ZNF711: variants seen among roughly 807,000 people sequenced by gnomAD.
The protein encoded by ZNF711 is zinc finger protein 711.
In ZNF711, 3 loss-of-function variants were observed where a neutral mutation model predicts 43.5. The observed-to-expected ratio is 0.07, with a 90% CI of 0.03 to 0.18. The LOEUF (loss-of-function observed/expected upper bound fraction) is 0.18. Among genes scored for constraint, ZNF711 ranks in the 10% least tolerant of loss-of-function variants. The probability of loss-of-function intolerance (pLI) is 1.00; values close to 1 mark genes in which losing one functional copy is unlikely to be tolerated. For synonymous variants in ZNF711, 209 were observed against 207.7 expected (o/e 1.01, Z -0.06); for missense variants, 412 against 604.0 (o/e 0.68, Z 3.33).
At chrX:85,244,243 G>A in intron 1 of ZNF711, 52 bp downstream of exon 1, 1 of 127,948 alleles carries the variant, frequency 7.8e-6, no homozygotes, top group Non-Finnish European at 1.6e-5. Flanking sequence ...ACCGCGTTCA[G>A]TGTTTCTTGT....
chrX:85,270,279 T>C, intron 10 of ZNF711, 133 bp downstream of exon 10: 1 of 637,640 alleles, frequency 1.6e-6, no homozygotes, highest in Non-Finnish European at 2.3e-6. Flanking sequence ...TATAGATAAT[T>C]GTTTTTTTTT....
rs765735032 is a variant in ZNF711 at position 85,247,600 on chromosome X, T to C, written c.28T>C (p.Leu10=). The change falls in exon 4 of 11, where the codon TTG becomes CTG. Residue 10 remains leucine, a synonymous_variant. Transcript: ENST00000674551. ...GGATTCAGGCGGTGGAAGTCTTGGA[T>C]TGCACACGCCAGACTCTAGAATGGC... MDSGGGSLG[L]HTPDSRMAHT... is the part of the protein sequence containing the mutation. The C allele has an allele frequency of 8.3e-7, 1 of 1,210,303 alleles. No individual in the cohort carries two copies. Among genetic ancestry groups the C allele is most frequent in the Non-Finnish European group, 1.1e-6 (1 of 894,575 alleles).
intron 4 of ZNF711, among the ~76,000 whole-genome samples, chrX:85,252,670 C>T (rs1929649936): frequency 9.0e-6 from 1 of 111,539 alleles, no homozygotes; most frequent in Non-Finnish European, 1.9e-5. Flanking sequence ...TTCTGAAATG[C>T]CCAGTGGAGT....
rs1233963472 is a variant in ZNF711 at position 85,273,158 on chromosome X, A to G, written c.*1330A>G. 1 of 112,005 alleles carries G rather than the reference A, an allele frequency of 8.9e-6. No homozygotes were observed. The highest frequency in any genetic ancestry group is 9.6e-5 in the Admixed American group (1 of 10,460). 9.2% of individuals were successfully genotyped at this position (112,005 alleles called of 1,213,427 possible). A position where few individuals can be genotyped will look rare whatever the true frequency, so the allele number is the denominator to read the frequency against. ...GTTCACCTTTCTGTTTTTGCACCAG[A>G]TAAGAATCAGTTCCTTGAGAATAAA... On this transcript the variant is annotated 3_prime_UTR_variant, in exon 11 of 11. Coordinates refer to ENST00000674551, the MANE Select transcript of ZNF711 (RefSeq NM_001330574.2).
chrX:85,254,241 G>A (rs750453822), intron 4 of ZNF711, among the ~76,000 whole-genome samples: 55 of 109,636 alleles, frequency 5.0e-4, no homozygotes, highest in African/African-American at 1.8e-3. Flanking sequence ...GCCAAACTAC[G>A]GGTGGATCAC....
intron 7 of ZNF711, among the ~76,000 whole-genome samples, chrX:85,266,864 A>G (rs926664458): frequency 1.1e-4 from 12 of 107,116 alleles, no homozygotes; most frequent in Non-Finnish European, 1.9e-4. Context: ...TATTACATGT[A>G]TAGTACTGCA....
rs1276682684 is a variant in ZNF711, at chrX:85,271,033, C to T, written c.1629C>T (p.Ala543=). Residue 543 remains alanine (A), a synonymous_variant, in exon 11 of 11, where the codon GCC becomes GCT. Transcript: ENST00000674551. ...GACTGTTAAACAGGCATTTGTTGGC[C>T]GTTCACAGCAAGAATTTTCCTCATG... ...EQGLLNRHLL[A]VHSKNFPHVC... 1.7e-5 allele frequency: 21 copies of T among 1,210,900 alleles called. No homozygotes were observed. The highest frequency in any genetic ancestry group is 2.2e-5 in the Non-Finnish European group (20 of 895,163).
At chrX:85,269,134 T>G (rs1311870913) in intron 9 of ZNF711, among the ~76,000 whole-genome samples, 2 of 111,690 alleles carry the variant, frequency 1.8e-5, no homozygotes, top group Non-Finnish European at 3.8e-5. Context: ...AAATCAATCT[T>G]AATATGTAGT....
In ZNF711 at chrX:85,271,409, G is replaced by A. The variant is rs1216305486; in HGVS notation, c.2005G>A (p.Val669Ile). The change falls in exon 11 of 11, where the codon GTC (valine) becomes ATC (isoleucine). Residue 669 changes from valine (V) to isoleucine (I), a missense_variant. This residue lies in a region of ZNF711 where 375 missense variants were observed against 514.2 expected (regional missense o/e 0.73). Coordinates refer to ENST00000674551, the MANE Select transcript of ZNF711 (RefSeq NM_001330574.2). ...HTKDFPHKCE[V>I]CDKGFHRPSE... is the part of the protein sequence containing the mutation. The stretch of plus-strand genomic sequence containing the variant: ...TAAGGATTTTCCTCACAAATGTGAG[G>A]TCTGTGATAAAGGTTTTCATCGTCC... 1 of 1,211,045 alleles carries A rather than the reference G, an allele frequency of 8.3e-7. No homozygotes were observed. The highest frequency in any genetic ancestry group is 2.2e-5 in the Admixed American group (1 of 45,882).
chrX:85,256,803 A>C (rs73513609), intron 5 of ZNF711, among the ~76,000 whole-genome samples: 9,126 of 111,409 alleles, frequency 0.082, 843 homozygotes, highest in African/African-American at 0.27. Context: ...CATTGTTTTT[A>C]AGAAAATAAT....
At position 85,247,079 on chromosome X, in the gene ZNF711, A is replaced by G. The variant is rs188554274; in HGVS notation, c.-136A>G. 4 of 294,340 alleles carry G rather than the reference A, an allele frequency of 1.4e-5. No homozygotes were observed. In the Admixed American group the frequency reaches 2.5e-4, roughly 18 times the overall value. The allele number at this position is 294,340 out of a possible 1,213,427, so 24.3% of individuals were successfully genotyped here. Reference sequence around the variant, plus strand: ...AGAACCCTGGGAGCCAGAGGTGAATACAAGTTTATCTGCAGAGCTCCGCTG... The same window carrying G: ...AGAACCCTGGGAGCCAGAGGTGAATGCAAGTTTATCTGCAGAGCTCCGCTG... On this transcript the variant is annotated 5_prime_UTR_variant, in exon 3 of 11. In the 5' UTR this introduces an upstream ATG that the reference lacks. Transcript: ENST00000674551.
chrX:85,265,882 G>A (rs1391892341), intron 7 of ZNF711, among the ~76,000 whole-genome samples: 2 of 111,289 alleles, frequency 1.8e-5, no homozygotes, highest in African/African-American at 6.5e-5. Context: ...GCTGCCAGGA[G>A]TTTGATTTCC....
intron 9 of ZNF711, 41 bp from the exon 10 acceptor site, chrX:85,269,962 A>C: frequency 1.7e-6 from 2 of 1,198,822 alleles, no homozygotes; most frequent in Non-Finnish European, 1.1e-6. Context: ...AAAAAAGTAT[A>C]AATGTATGTG....
chrX:85,244,864 C>G (rs1928872847), intron 1 of ZNF711: 1 of 111,536 alleles, frequency 9.0e-6, no homozygotes, highest in African/African-American at 3.3e-5. Context: ...GCGTGGGTAG[C>G]AGCGGTGGCG....
intron 4 of ZNF711, among the ~76,000 whole-genome samples, chrX:85,252,723 G>A (rs953378733): frequency 4.5e-5 from 5 of 111,334 alleles, no homozygotes; most frequent in Admixed American, 9.5e-5. Flanking sequence ...TACTCCCTTC[G>A]TGTACCAGAC....
At chrX:85,263,918 T>C (rs1485100753) in intron 5 of ZNF711, among the ~76,000 whole-genome samples, 2 of 110,676 alleles carry the variant, frequency 1.8e-5, no homozygotes, top group Admixed American at 1.9e-4. Context: ...GTTGCAGATT[T>C]ATGTTGCACA....
intron 5 of ZNF711, among the ~76,000 whole-genome samples, chrX:85,262,679 T>C (rs1438511744): frequency 9.0e-6 from 1 of 110,685 alleles, no homozygotes; most frequent in African/African-American, 3.3e-5. Flanking sequence ...AATGAAAATA[T>C]GTAGACTTTA....
Position 85,255,631 on chromosome X carries a change from G to T in ZNF711, c.452G>T (p.Gly151Val). 8.3e-7 allele frequency: 1 copy of T among 1,211,393 alleles called. No homozygotes were observed. The highest frequency in any genetic ancestry group is 1.1e-6 in the Non-Finnish European group (1 of 895,458). The change falls in exon 5 of 11, where the codon GGA becomes GTA. Residue 151 changes from glycine to valine, a missense_variant. Physicochemically the swap from Gly to Val is moderately radical, Grantham distance 109. Coordinates refer to ENST00000674551, the MANE Select transcript of ZNF711 (RefSeq NM_001330574.2). ...CATGTGGTCCAAGATTGTGTTTCAG[G>T]AGTCGACTCTCCCACAATGGTATCA... ...LEHVVQDCVS[G>V]VDSPTMVSEE...
In ZNF711 at chrX:85,270,193, G is replaced by C. The variant is rs146865358; in HGVS notation, c.1246+47G>C. ...TATTATAATTATTTGAGATGTGGAAGTATTTTTTGTCACCAAAGAAAAATA... is the reference window on the plus strand; with the variant it reads ...TATTATAATTATTTGAGATGTGGAACTATTTTTTGTCACCAAAGAAAAATA... On this transcript the variant is annotated intron_variant, in intron 10 of 10. Transcript: ENST00000674551. 666 of 1,153,692 alleles carry C rather than the reference G, an allele frequency of 5.8e-4. 5 individuals carry two copies. The African/African-American group carries it at 0.011, about 19-fold the overall frequency.
Sources: gnomAD v4.1 joint callset for allele counts (sites outside exome capture counted in the v4.1 genomes callset) on GRCh38, gnomAD v4.1.1 for gene constraint, gnomAD v4.1.1 regional missense constraint, MANE v1.5 for transcripts, NCBI Gene and HGNC (gene_info 2026-07-23, HGNC 2026-07-21) for gene names.